HSD17B11: variants seen among roughly 807,000 people sequenced by gnomAD.
The protein encoded by HSD17B11 is hydroxysteroid 17-beta dehydrogenase 11, also known as estradiol 17-beta-dehydrogenase 11.
Under a neutral mutation model 27.8 loss-of-function variants are expected in HSD17B11, and 22 were observed. The observed-to-expected ratio is 0.79, with a 90% CI of 0.56 to 1.13. The LOEUF is 1.13. HSD17B11 is among the 50% of genes most tolerant of loss of function. HSD17B11 has a pLI of 0.00. For missense variants in HSD17B11, 314 were observed against 351.1 expected (o/e 0.89, Z 0.84); for synonymous variants, 117 against 132.8 (o/e 0.88, Z 0.82).
intron 5 of HSD17B11, among the ~76,000 whole-genome samples, chr4:87,345,675 G>A (rs1560758795): frequency 1.3e-5 from 2 of 152,016 alleles, no homozygotes; most frequent in East Asian, 3.9e-4. Context: ...AGAATACTAG[G>A]ACAATTGCAT....
chr4:87,378,657 A>G (rs1225727708), intron 2 of HSD17B11, among the ~76,000 whole-genome samples: 16 of 148,680 alleles, frequency 1.1e-4, no homozygotes. Context: ...AACCATCCCT[A>G]CTTCTTCCCT....
intron 4 of HSD17B11, among the ~76,000 whole-genome samples, chr4:87,361,629 T>C (rs1240321518): frequency 5.3e-5 from 8 of 152,204 alleles, no homozygotes; most frequent in Middle Eastern, 3.4e-3. Flanking sequence ...TAGCTGGGCA[T>C]GGTGGCGGGC....
intron 5 of HSD17B11, among the ~76,000 whole-genome samples, 185 bp downstream of exon 5, chr4:87,357,094 G>A (rs760936428): frequency 1.3e-5 from 2 of 152,098 alleles, no homozygotes; most frequent in African/African-American, 4.8e-5. Context: ...TTTTAGTCAC[G>A]CTCCCTTGCT....
At chr4:87,361,372 T>C (rs984377472) in intron 4 of HSD17B11, among the ~76,000 whole-genome samples, 1 of 152,206 alleles carries the variant, frequency 6.6e-6, no homozygotes, top group African/African-American at 2.4e-5. Context: ...ACCCCTTGTT[T>C]AGCATATTAT....
chr4:87,364,821 G>C (rs542237717), intron 4 of HSD17B11, among the ~76,000 whole-genome samples: 2 of 152,204 alleles, frequency 1.3e-5, no homozygotes, highest in African/African-American at 2.4e-5. Flanking sequence ...AATGCATGCT[G>C]TCCCAGCTCT....
chr4:87,344,431 A>G (rs189495644), intron 5 of HSD17B11, among the ~76,000 whole-genome samples: 3 of 152,352 alleles, frequency 2.0e-5, no homozygotes, highest in East Asian at 1.9e-4. Flanking sequence ...AATTTATTTC[A>G]GGAAAAAAAC....
intron 1 of HSD17B11, among the ~76,000 whole-genome samples, chr4:87,383,536 G>A (rs757773276): frequency 6.6e-6 from 1 of 152,062 alleles, no homozygotes; most frequent in Non-Finnish European, 1.5e-5. Flanking sequence ...ATGGGAAGGA[G>A]CCACATCTGA....
At chr4:87,370,377 T>A (rs1028994599) in intron 4 of HSD17B11, among the ~76,000 whole-genome samples, 2 of 152,200 alleles carry the variant, frequency 1.3e-5, no homozygotes, top group Non-Finnish European at 2.9e-5. Context: ...CATTGTATGA[T>A]TTAAATCTTA....
intron 5 of HSD17B11, among the ~76,000 whole-genome samples, chr4:87,343,424 G>A (rs1735208041): frequency 6.6e-6 from 1 of 152,142 alleles, no homozygotes; most frequent in Non-Finnish European, 1.5e-5. Flanking sequence ...GGTGGGAAAG[G>A]AGGGTGCATG....
At chr4:87,367,340 T>G (rs1735629893) in intron 4 of HSD17B11, among the ~76,000 whole-genome samples, 2 of 152,192 alleles carry the variant, frequency 1.3e-5, no homozygotes, top group Admixed American at 6.5e-5. Flanking sequence ...AAGTAAAGAA[T>G]GTCACTTTCT....
chr4:87,385,285 C>T (rs559541620), intron 1 of HSD17B11, among the ~76,000 whole-genome samples: 15 of 152,238 alleles, frequency 9.9e-5, no homozygotes, highest in Middle Eastern at 3.4e-3. Flanking sequence ...ACATGCTACA[C>T]GTACAACCTT....
chr4:87,337,068 C>A lies in HSD17B11; in HGVS notation c.*208G>T. On this transcript the variant is annotated 3_prime_UTR_variant, in exon 7 of 7. Coordinates refer to ENST00000358290, the MANE Select transcript of HSD17B11 (RefSeq NM_016245.5). ...TTTTCTTCATTTTCCTTAAAGTCAC[C>A]TCTAAAGGTATTTCTCTGTTTATAT... is the stretch of plus-strand genomic sequence containing the variant. The A allele has an allele frequency of 2.0e-6, 1 of 511,572 alleles. No individual in the cohort carries two copies. Among genetic ancestry groups the A allele is most frequent in the Non-Finnish European group, 3.4e-6 (1 of 292,982 alleles). The allele number at this position is 511,572 out of a possible 1,614,324, so 31.7% of individuals were successfully genotyped here.
In HSD17B11 at chr4:87,390,951, C is replaced by G; in HGVS notation, c.120G>C (p.Leu40=). Residue 40 remains leucine, a synonymous_variant, in exon 1 of 7, where the codon CTG becomes CTC. Coordinates refer to ENST00000358290, the MANE Select transcript of HSD17B11 (RefSeq NM_016245.5). ...RRKSVTGEIV[L]ITGAGHGIGR... is the part of the protein sequence containing the mutation. ...CAATTCCATGCCCAGCTCCTGTAAT[C>G]AGCACGATTTCGCCGGTGACTGATT... 6.2e-7 allele frequency: 1 copy of G among 1,614,168 alleles called. No homozygotes were observed. The highest frequency in any genetic ancestry group is 8.5e-7 in the Non-Finnish European group (1 of 1,180,034).
chr4:87,382,310 T>C lies in HSD17B11; in HGVS notation c.263A>G (p.His88Arg), dbSNP rs1720193868. The change falls in exon 2 of 7, where the codon CAT becomes CGT. Residue 88 changes from histidine (H) to arginine (R), a missense_variant. His to Arg is a conservative substitution (Grantham distance 29). Transcript: ENST00000358290. ...AKCKGLGAKV[H>R]TFVVDCSNRE... ...GTTGCTGCAGTCTACCACAAAGGTA[T>C]GAACCTTGGCACCCAGTCCCTTGCA... 1.9e-6 allele frequency: 3 copies of C among 1,614,016 alleles called. No individual in the cohort carries two copies. The highest frequency in any genetic ancestry group is 1.6e-4 in the Middle Eastern group (1 of 6,084).
At chr4:87,352,939 T>TG (rs1261247266) in intron 5 of HSD17B11, among the ~76,000 whole-genome samples, 4 of 95,470 alleles carry the variant, frequency 4.2e-5, no homozygotes, top group Non-Finnish European at 8.1e-5. Flanking sequence ...CCTGACCCCT[T>TG]GCGCTTCCCA....
At chr4:87,340,381 T>A in intron 6 of HSD17B11, 109 bp downstream of exon 6, 1 of 640,636 alleles carries the variant, frequency 1.6e-6, no homozygotes, top group East Asian at 2.8e-5. Flanking sequence ...ATTAAGTCAA[T>A]TCCATTTAAC....
chr4:87,337,126 TG>T lies in HSD17B11; in HGVS notation c.*149del. 1 of 659,240 alleles carries T rather than the reference TG, an allele frequency of 1.5e-6. No homozygotes were observed. The highest frequency in any genetic ancestry group is 2.9e-4 in the Middle Eastern group (1 of 3,434). The allele number at this position is 659,240 out of a possible 1,614,324, so 40.8% of individuals were successfully genotyped here. A position where few individuals can be genotyped will look rare whatever the true frequency, so the allele number is the denominator to read the frequency against. On this transcript the variant is annotated 3_prime_UTR_variant, in exon 7 of 7. Coordinates refer to ENST00000358290, the MANE Select transcript of HSD17B11 (RefSeq NM_016245.5). ...AATCAGCTTTTGGCTAAAGAACAAG[TG>T]GTAGTAAATGAAGACTGCCAAAGCC...
Position 87,336,805 on chromosome 4 carries a change from G to A in HSD17B11, c.*471C>T, listed in dbSNP as rs539531095. The stretch of plus-strand genomic sequence containing the variant: ...ATGGGTAGGATGAAACCTACCCATT[G>A]AGAGTTCATGATATTCATTGTGAAA... On this transcript the variant is annotated 3_prime_UTR_variant, in exon 7 of 7. Coordinates refer to ENST00000358290, the MANE Select transcript of HSD17B11 (RefSeq NM_016245.5). 1 of 157,766 alleles carries A rather than the reference G, an allele frequency of 6.3e-6. No homozygotes were observed. 9.8% of individuals were successfully genotyped at this position (157,766 alleles called of 1,614,324 possible).
At chr4:87,368,997 C>T (rs970584455) in intron 4 of HSD17B11, among the ~76,000 whole-genome samples, 1 of 152,170 alleles carries the variant, frequency 6.6e-6, no homozygotes. Context: ...TCTTAATAAA[C>T]TTGCTTTCAC....
Sources: gnomAD v4.1 joint callset for allele counts (sites outside exome capture counted in the v4.1 genomes callset) on GRCh38, gnomAD v4.1.1 for gene constraint, MANE v1.5 for transcripts, NCBI Gene and HGNC (gene_info 2026-07-23, HGNC 2026-07-21) for gene names.